The following GMDS variants were observed in gnomAD, a reference collection of about 807,000 sequenced individuals.
GMDS encodes GDP-mannose 4,6-dehydratase, also known as GDP-mannose 4,6 dehydratase.
In GMDS, 20 loss-of-function variants were observed where a neutral mutation model predicts 49.9. The ratio of observed to expected loss-of-function variants is 0.40; its 90% CI spans 0.28 to 0.58. The LOEUF (loss-of-function observed/expected upper bound fraction) is 0.58. GMDS is among the 20% of genes least tolerant of loss of function. The probability of loss-of-function intolerance (pLI) is 0.42; values close to 1 mark genes in which losing one functional copy is unlikely to be tolerated. For missense variants in GMDS, 362 were observed against 481.4 expected (o/e 0.75, Z 2.32); for synonymous variants, 177 against 178.6 (o/e 0.99, Z 0.07).
chr6:2,198,062 C>T (rs1214574603), intron 1 of GMDS, among the ~76,000 whole-genome samples: 2 of 152,174 alleles, frequency 1.3e-5, no homozygotes, highest in Admixed American at 1.3e-4. Flanking sequence ...TGATGCACAT[C>T]GTGCCACAGG....
intron 4 of GMDS, among the ~76,000 whole-genome samples, chr6:2,063,072 C>A (rs140419329): frequency 2.0e-5 from 3 of 152,210 alleles, no homozygotes; most frequent in African/African-American, 7.2e-5. Context: ...TTGTGGCACA[C>A]AAGCCCAGGA....
chr6:2,202,927 C>G (rs954961677), intron 1 of GMDS, among the ~76,000 whole-genome samples: 1 of 152,036 alleles, frequency 6.6e-6, no homozygotes, highest in East Asian at 1.9e-4. Context: ...AGAAAGTCAC[C>G]CTGAATCAAG....
chr6:2,227,553 T>G (rs1212204640), intron 1 of GMDS, among the ~76,000 whole-genome samples: 1 of 152,234 alleles, frequency 6.6e-6, no homozygotes, highest in Non-Finnish European at 1.5e-5. Context: ...CAGCTGATTC[T>G]AGTGAGAATT....
intron 9 of GMDS, among the ~76,000 whole-genome samples, chr6:1,629,763 C>T (rs1762943872): frequency 6.6e-6 from 1 of 152,188 alleles, no homozygotes; most frequent in Non-Finnish European, 1.5e-5. Context: ...CCTCTGACCA[C>T]CCCTCTCGCC....
intron 1 of GMDS, among the ~76,000 whole-genome samples, chr6:2,136,354 G>A (rs565473631): frequency 6.6e-6 from 1 of 152,268 alleles, no homozygotes; most frequent in Admixed American, 6.5e-5. Context: ...ACGAAATTGA[G>A]TATCCAAAAA....
chr6:1,652,334 T>C (rs537852498), intron 9 of GMDS, among the ~76,000 whole-genome samples: 1 of 113,596 alleles, frequency 8.8e-6, no homozygotes, highest in Non-Finnish European at 1.7e-5. Flanking sequence ...ATCGTGCCAT[T>C]GCACTCCAGC....
At chr6:1,921,114 C>G (rs2113903286) in intron 7 of GMDS, among the ~76,000 whole-genome samples, 1 of 152,320 alleles carries the variant, frequency 6.6e-6, no homozygotes, top group Middle Eastern at 3.4e-3. Context: ...CCCTCATAAT[C>G]CACGTCCACA....
chr6:2,240,173 T>C (rs1428456546), intron 1 of GMDS, among the ~76,000 whole-genome samples: 1 of 152,228 alleles, frequency 6.6e-6, no homozygotes, highest in Non-Finnish European at 1.5e-5. Context: ...CAGTACTTTA[T>C]AGCCTTGTGG....
At chr6:2,091,004 G>T (rs567086081) in intron 4 of GMDS, among the ~76,000 whole-genome samples, 5 of 152,174 alleles carry the variant, frequency 3.3e-5, no homozygotes, top group South Asian at 2.1e-4. Context: ...ACTGCCTCGT[G>T]GGGGGAGTTT....
intron 7 of GMDS, among the ~76,000 whole-genome samples, chr6:1,900,249 C>T (rs546504276): frequency 6.6e-6 from 1 of 152,244 alleles, no homozygotes; most frequent in East Asian, 1.9e-4. Context: ...GTGTGGATGG[C>T]CACGCAGGTA....
chr6:1,765,289 T>C (rs1768307580), intron 7 of GMDS, among the ~76,000 whole-genome samples: 1 of 152,206 alleles, frequency 6.6e-6, no homozygotes, highest in Non-Finnish European at 1.5e-5. Flanking sequence ...TTCCAAACTT[T>C]GTTGTTTATT....
intron 1 of GMDS, among the ~76,000 whole-genome samples, chr6:2,141,671 C>T (rs1013082682): frequency 1.3e-5 from 2 of 152,110 alleles, no homozygotes; most frequent in Admixed American, 1.3e-4. Flanking sequence ...AGCAGGTCCC[C>T]CATTTTGGGA....
intron 4 of GMDS, among the ~76,000 whole-genome samples, chr6:2,015,416 G>A (rs889906735): frequency 6.6e-6 from 1 of 152,080 alleles, no homozygotes; most frequent in Non-Finnish European, 1.5e-5. Context: ...ATAAAAAATA[G>A]ATCAGAGAAG....
chr6:1,997,543 C>T (rs1342378427), intron 4 of GMDS, among the ~76,000 whole-genome samples: 2 of 148,876 alleles, frequency 1.3e-5, no homozygotes, highest in African/African-American at 2.5e-5. Context: ...GAGGACTTCA[C>T]ATCACATCTC....
chr6:1,816,115 C>A (rs1770658753), intron 7 of GMDS, among the ~76,000 whole-genome samples: 1 of 152,210 alleles, frequency 6.6e-6, no homozygotes, highest in South Asian at 2.1e-4. Flanking sequence ...CTGCCTTGAT[C>A]TGACCCTGAA....
At chr6:1,984,380 A>G (rs1048115754) in intron 4 of GMDS, among the ~76,000 whole-genome samples, 19 of 152,188 alleles carry the variant, frequency 1.2e-4, no homozygotes, top group African/African-American at 4.6e-4. Flanking sequence ...CTGAACTTAA[A>G]ATAAAAGTTA....
rs4142186 is a variant in GMDS at position 1,869,358 on chromosome 6, A to C, written c.771+60745T>G. On this transcript the variant is annotated intron_variant, in intron 7 of 10. Transcript: ENST00000380815. ...ACAGGCAGGCCACAATGAGAGGAGG[A>C]GGTGATCCATCTGTGGCCCAGGTAT... Among the ~76,000 whole-genome samples, 2,155 of 152,150 alleles carry C rather than the reference A, an allele frequency of 0.014. 107 individuals are homozygous for C. The East Asian group carries it at 0.17, about 12-fold the overall frequency.
chr6:2,236,891 T>G (rs1781385887), intron 1 of GMDS, among the ~76,000 whole-genome samples: 1 of 152,348 alleles, frequency 6.6e-6, no homozygotes, highest in Non-Finnish European at 1.5e-5. Context: ...CAAGCTTTGG[T>G]GGTTCATTTT....
At chr6:2,198,861 C>T (rs1320271390) in intron 1 of GMDS, among the ~76,000 whole-genome samples, 2 of 152,146 alleles carry the variant, frequency 1.3e-5, no homozygotes, top group Non-Finnish European at 2.9e-5. Context: ...TGTCTCTAGC[C>T]TAGCTCTAAG....
Sources: allele counts gnomAD v4.1 joint callset (sites outside exome capture counted in the v4.1 genomes callset), GRCh38; gene constraint gnomAD v4.1.1; transcripts MANE v1.5; gene names NCBI Gene and HGNC (gene_info 2026-07-23, HGNC 2026-07-21).